Variants in HOOK1 observed in about 807,000 individuals in gnomAD.
The protein encoded by HOOK1 is protein Hook homolog 1.
Under a neutral mutation model 112.8 loss-of-function variants are expected in HOOK1, and 60 were observed. That is an observed-to-expected ratio of 0.53 (90% confidence interval 0.43 to 0.66). The LOEUF is 0.66. Ranked by LOEUF, HOOK1 falls within the 30% of genes least tolerant of loss-of-function variation. The pLI is 0.00. For missense variants in HOOK1, 770 were observed against 856.0 expected, an observed-to-expected ratio of 0.90 and a Z score of 1.25; for synonymous variants, 294 against 283.8, an observed-to-expected ratio of 1.04 and a Z score of -0.36.
At chr1:59,870,959 T>A in intron 20 of HOOK1, 83 bp from the exon 21 acceptor site, 1 of 904,832 alleles carries the variant, frequency 1.1e-6, no homozygotes, top group South Asian at 1.5e-5. Flanking sequence ...CTCTCAATAA[T>A]GAACATAGTG....
At chr1:59,837,509 G>A (rs950366198) in intron 7 of HOOK1, among the ~76,000 whole-genome samples, 2 of 152,060 alleles carry the variant, frequency 1.3e-5, no homozygotes, top group African/African-American at 4.8e-5. Context: ...AAAAGAAAAT[G>A]TTTAAAGAAA....
intron 1 of HOOK1, 64 bp downstream of exon 1, chr1:59,815,244 C>G: frequency 1.4e-6 from 2 of 1,473,616 alleles, no homozygotes; most frequent in South Asian, 2.4e-5. Context: ...CTGGGGCGCC[C>G]GGTTCTCCCA....
intron 2 of HOOK1, among the ~76,000 whole-genome samples, chr1:59,828,046 G>A (rs1029316558): frequency 3.3e-5 from 5 of 152,056 alleles, no homozygotes; most frequent in African/African-American, 1.2e-4. Flanking sequence ...AGAGTCAAAA[G>A]GGTAAATTAT....
intron 3 of HOOK1, among the ~76,000 whole-genome samples, chr1:59,829,299 T>C (rs983575103): frequency 2.6e-5 from 4 of 152,158 alleles, no homozygotes; most frequent in African/African-American, 4.8e-5. Flanking sequence ...TGTTTAGCTA[T>C]TCACTTGTTG....
intron 7 of HOOK1, among the ~76,000 whole-genome samples, 196 bp from the exon 8 acceptor site, chr1:59,840,112 C>A (rs1435860457): frequency 6.6e-6 from 1 of 152,004 alleles, no homozygotes; most frequent in African/African-American, 2.4e-5. Context: ...TGAGGATTTT[C>A]ACATCGATGT....
intron 6 of HOOK1, among the ~76,000 whole-genome samples, chr1:59,836,241 G>T (rs1272928722): frequency 2.0e-5 from 3 of 152,076 alleles, no homozygotes; most frequent in African/African-American, 7.2e-5. Context: ...AATTAATGTG[G>T]TGCAGAGTTG....
intron 2 of HOOK1, among the ~76,000 whole-genome samples, chr1:59,827,675 A>C (rs1041265906): frequency 2.0e-5 from 3 of 152,326 alleles, no homozygotes; most frequent in Middle Eastern, 3.4e-3. Flanking sequence ...TTATGAATAA[A>C]AAATAAAATG....
Position 59,872,970 on chromosome 1 carries a change from C to CAA in HOOK1, c.*12_*13dup. On this transcript the variant is annotated 3_prime_UTR_variant, in exon 22 of 22. Transcript: ENST00000371208. ...CCTGCTACAACATCTGATTAAACTG[C>CAA]AAAAAAAACAAAACAAAACAAAAAA... 1 of 1,433,756 alleles carries CAA rather than the reference C, an allele frequency of 7.0e-7. No homozygotes were observed. Among genetic ancestry groups the CAA allele is most frequent in the Admixed American group, 2.7e-5 (1 of 36,436 alleles). 88.8% of individuals were successfully genotyped at this position (1,433,756 alleles called of 1,614,324 possible).
At position 59,836,900 on chromosome 1, in the gene HOOK1, C is replaced by T. The variant is rs1254828908; in HGVS notation, c.502C>T (p.Pro168Ser). ...ELMSKEILSS[P>S]PNDAVGELEQ... Reference sequence around the variant, plus strand: ...GATGAGTAAAGAAATATTGAGCTCTCCTCCAAATGATGCTGTTGGAGAATT... The same window carrying T: ...GATGAGTAAAGAAATATTGAGCTCTTCTCCAAATGATGCTGTTGGAGAATT... The change falls in exon 7 of 22, where the codon CCT becomes TCT. Residue 168 changes from proline to serine, a missense_variant. Physicochemically the swap from Pro to Ser is moderately conservative, Grantham distance 74. Transcript: ENST00000371208. 1 of 1,593,014 alleles carries T rather than the reference C, an allele frequency of 6.3e-7. No homozygotes were observed. The highest frequency in any genetic ancestry group is 1.3e-5 in the African/African-American group (1 of 74,644).
At position 59,860,777 on chromosome 1, in the gene HOOK1, C is replaced by CTT. The variant is rs35112707; in HGVS notation, c.1532+462_1532+463dup. Among the ~76,000 whole-genome samples the CTT allele has an allele frequency of 8.7e-4, 123 of 141,238 alleles. 1 individual carries two copies. Among genetic ancestry groups the CTT allele is most frequent in the Admixed American group, 2.3e-3 (32 of 14,094 alleles). 92.7% of individuals were successfully genotyped at this position (141,238 alleles called of 152,430 possible). A position where few individuals can be genotyped will look rare whatever the true frequency, so the allele number is the denominator to read the frequency against. On this transcript the variant is annotated intron_variant, in intron 15 of 21. Coordinates refer to ENST00000371208, the MANE Select transcript of HOOK1 (RefSeq NM_015888.6). ...TTTTTGTATTTGTTTTCTTCTCTTT[C>CTT]TTTTTTTTTTTTTTGAGACGGAGTC... is the stretch of plus-strand genomic sequence containing the variant.
intron 15 of HOOK1, among the ~76,000 whole-genome samples, chr1:59,861,102 G>A (rs1337296334): frequency 6.6e-6 from 1 of 151,940 alleles, no homozygotes; most frequent in Non-Finnish European, 1.5e-5. Context: ...GTAGAGATGG[G>A]GCTTCACCAT....
In HOOK1 at chr1:59,833,274, A is replaced by G. The variant is rs181332350; in HGVS notation, c.274-131A>G. 4.7e-5 allele frequency: 34 copies of G among 729,048 alleles called. No individual in the cohort carries two copies. The African/African-American group carries it at 5.8e-4, about 12-fold the overall frequency. The allele number at this position is 729,048 out of a possible 1,614,324, so 45.2% of individuals were successfully genotyped here. The stretch of plus-strand genomic sequence containing the variant: ...ACATTGCTAACTGGTTTTAATAATT[A>G]TTTATTTGTCATTTGTTATTTTATC... On this transcript the variant is annotated intron_variant, in intron 4 of 21. Coordinates refer to ENST00000371208, the MANE Select transcript of HOOK1 (RefSeq NM_015888.6).
chr1:59,864,851 T>G (rs1643932427), intron 17 of HOOK1, 185 bp downstream of exon 17: 1 of 564,640 alleles, frequency 1.8e-6, no homozygotes, highest in Admixed American at 3.6e-5. Flanking sequence ...TCCAAACTCC[T>G]ACATCTTTCC....
At chr1:59,867,821 A>G (rs778508125) in intron 19 of HOOK1, among the ~76,000 whole-genome samples, 4 of 152,146 alleles carry the variant, frequency 2.6e-5, no homozygotes, top group Non-Finnish European at 4.4e-5. Context: ...ATTGCTAAGA[A>G]TTTCTTCTGT....
intron 2 of HOOK1, 43 bp from the exon 3 acceptor site, chr1:59,828,736 TA>T (rs1180866977): frequency 6.4e-7 from 1 of 1,571,502 alleles, no homozygotes; most frequent in South Asian, 1.1e-5. Flanking sequence ...TTTTGTGTAA[TA>T]AAAACATTTT....
chr1:59,860,892 C>G (rs1307476519), intron 15 of HOOK1, among the ~76,000 whole-genome samples: 19 of 151,902 alleles, frequency 1.3e-4, no homozygotes, highest in African/African-American at 4.6e-4. Flanking sequence ...TCCTGCCTCA[C>G]CCTCCCAAGT....
At chr1:59,824,395 A>G (rs2098388316) in intron 2 of HOOK1, among the ~76,000 whole-genome samples, 1 of 152,086 alleles carries the variant, frequency 6.6e-6, no homozygotes, top group African/African-American at 2.4e-5. Context: ...GTTAGGAGAG[A>G]TGGGGTTTCA....
At chr1:59,815,458 T>C in intron 1 of HOOK1, 1 of 499,632 alleles carries the variant, frequency 2.0e-6, no homozygotes, top group Non-Finnish European at 3.6e-6. Flanking sequence ...CCTGGTGCCC[T>C]AACAGCTGGG....
intron 5 of HOOK1, among the ~76,000 whole-genome samples, chr1:59,833,885 A>G (rs922520849): frequency 6.6e-6 from 1 of 152,214 alleles, no homozygotes; most frequent in Non-Finnish European, 1.5e-5. Context: ...ATGTGGATTC[A>G]GTTTTCATAA....
Sources: gnomAD v4.1 joint callset for allele counts (sites outside exome capture counted in the v4.1 genomes callset) on GRCh38, gnomAD v4.1.1 for gene constraint, MANE v1.5 for transcripts, NCBI Gene and HGNC (gene_info 2026-07-23, HGNC 2026-07-21) for gene names.